FBXO34: variants seen among roughly 807,000 people sequenced by gnomAD.
FBXO34 encodes F-box only protein 34.
Under a neutral mutation model 24.5 loss-of-function variants are expected in FBXO34, and 12 were observed. That is an observed-to-expected ratio of 0.49 (90% CI 0.31 to 0.79). The LOEUF is 0.79. Among genes scored for constraint, FBXO34 ranks in the 30% least tolerant of loss-of-function variants. The pLI is 0.04. For synonymous variants in FBXO34, 320 were observed against 311.9 expected (o/e 1.03, Z -0.27); for missense variants, 823 against 857.7 (o/e 0.96, Z 0.51).
chr14:55,414,007 G>A, the FBXO34 span: 2 of 529,230 alleles, frequency 3.8e-6, no homozygotes, highest in Non-Finnish European at 3.7e-6. Context: ...TTTTCTAAAA[G>A]GCCTAGAGAA....
At chr14:55,338,041 T>C (rs1279154670) in intron 1 of FBXO34, among the ~76,000 whole-genome samples, 1 of 137,596 alleles carries the variant, frequency 7.3e-6, no homozygotes, top group Non-Finnish European at 1.5e-5. Context: ...GATAAGAGTA[T>C]GTACTTCTTT....
At position 55,352,168 on chromosome 14, in the gene FBXO34, A is replaced by C. The variant is rs1487786030; in HGVS notation, c.1778A>C (p.Lys593Thr). The C allele has an allele frequency of 2.5e-6, 4 of 1,614,210 alleles. No individual in the cohort carries two copies. In the South Asian group the frequency reaches 4.4e-5, roughly 18 times the overall value. ...AAAATCTTCAGGTTACTTCCCACCAAGAGTTTAGTGGCCCTTAAATGTACC... is the reference window on the plus strand; with the variant it reads ...AAAATCTTCAGGTTACTTCCCACCACGAGTTTAGTGGCCCTTAAATGTACC... Reference protein sequence around the residue: ...MVKIFRLLPTKSLVALKCTCC... With the variant: ...MVKIFRLLPTTSLVALKCTCC... Residue 593 changes from lysine to threonine, a missense_variant, in exon 2 of 2, where the codon AAG (lysine) becomes ACG (threonine). Physicochemically the swap from Lys to Thr is moderately conservative, Grantham distance 78 (BLOSUM62 -1). Transcript: ENST00000313833.
At chr14:55,435,118 G>A in the FBXO34 span, among the ~76,000 whole-genome samples, 3 of 152,136 alleles carry the variant, frequency 2.0e-5, no homozygotes, top group Non-Finnish European at 2.9e-5. Flanking sequence ...GTAAATAGGA[G>A]CTTGAACTTT....
intron 1 of FBXO34, among the ~76,000 whole-genome samples, chr14:55,322,119 G>A (rs1022984410): frequency 1.3e-5 from 2 of 151,754 alleles, no homozygotes; most frequent in Non-Finnish European, 2.9e-5. Flanking sequence ...TCAGGAGATC[G>A]AGACCACGGT....
At position 55,331,625 on chromosome 14, in the gene FBXO34, AT is replaced by A. The variant is rs1212413690; in HGVS notation, c.-10-18755del. 2.2e-5 allele frequency among the ~76,000 whole-genome samples: 3 copies of A among 138,850 alleles called. 1 individual carries two copies. The highest frequency in any genetic ancestry group is 1.5e-4 in the Admixed American group (2 of 13,542). 91.1% of individuals were successfully genotyped at this position (138,850 alleles called of 152,430 possible). On this transcript the variant is annotated intron_variant, in intron 1 of 1. Coordinates refer to ENST00000313833, the MANE Select transcript of FBXO34 (RefSeq NM_017943.4). Reference sequence around the variant, plus strand: ...ATAAAAAAATATAAAATATATAAAAATATATATAAAATATATAAAAATATAT... The same window carrying A: ...ATAAAAAAATATAAAATATATAAAAAATATATAAAATATATAAAAATATAT...
chr14:55,429,884 AT>A, the FBXO34 span, among the ~76,000 whole-genome samples: 12,488 of 152,054 alleles, frequency 0.082, 533 homozygotes, highest in African/African-American at 0.098. Flanking sequence ...CAGACAAGGT[AT>A]CAGTTCTTGA....
downstream of FBXO34, chr14:55,369,909 C>T: frequency 6.2e-7 from 1 of 1,610,888 alleles, no homozygotes; most frequent in South Asian, 1.1e-5. Flanking sequence ...TCTGCTCGTA[C>T]TTCAAAGGGC....
intron 1 of FBXO34, among the ~76,000 whole-genome samples, chr14:55,309,533 T>G (rs1407778335): frequency 6.6e-6 from 1 of 152,188 alleles, no homozygotes; most frequent in African/African-American, 2.4e-5. Flanking sequence ...ACTTATCTGA[T>G]TTTTCAAGCA....
At chr14:55,413,218 G>C in the FBXO34 span, among the ~76,000 whole-genome samples, 1 of 152,050 alleles carries the variant, frequency 6.6e-6, no homozygotes, top group African/African-American at 2.4e-5. Context: ...AAGGTCTCGG[G>C]CTTATGTTTC....
chr14:55,276,658 A>G (rs1881354871), intron 1 of FBXO34, among the ~76,000 whole-genome samples: 1 of 152,218 alleles, frequency 6.6e-6, no homozygotes, highest in Admixed American at 6.5e-5. Context: ...TAGTTAAAAC[A>G]ATTTTACAGA....
intron 1 of FBXO34, among the ~76,000 whole-genome samples, chr14:55,294,057 C>A (rs1566543475): frequency 6.6e-6 from 1 of 152,046 alleles, no homozygotes; most frequent in Admixed American, 6.6e-5. Context: ...AAAATGTTTT[C>A]TCATCTATCA....
chr14:55,355,703 G>A (rs989364497), downstream of FBXO34, among the ~76,000 whole-genome samples: 8 of 152,166 alleles, frequency 5.3e-5, no homozygotes, highest in Non-Finnish European at 1.2e-4. Context: ...TGCAGATACC[G>A]AGGGACCACT....
At chr14:55,337,035 A>G (rs964611414) in intron 1 of FBXO34, among the ~76,000 whole-genome samples, 33 of 149,472 alleles carry the variant, frequency 2.2e-4, no homozygotes, top group African/African-American at 7.4e-4. Context: ...GAGTGCAATG[A>G]CACTATCTTG....
intron 1 of FBXO34, among the ~76,000 whole-genome samples, chr14:55,328,043 G>A (rs71412679): frequency 2.1e-5 from 3 of 144,138 alleles, no homozygotes; most frequent in Non-Finnish European, 3.0e-5. Context: ...TCCTGCCTCC[G>A]CCTCCCAAGT....
the FBXO34 span, among the ~76,000 whole-genome samples, chr14:55,441,463 T>C: frequency 6.6e-6 from 1 of 151,988 alleles, no homozygotes; most frequent in Non-Finnish European, 1.5e-5. Context: ...GCCAGGGATG[T>C]TTTTTTTCTC....
At chr14:55,385,526 C>G in the FBXO34 span, among the ~76,000 whole-genome samples, 1 of 152,210 alleles carries the variant, frequency 6.6e-6, no homozygotes, top group Non-Finnish European at 1.5e-5. Context: ...CTCCTGACCT[C>G]AGGTGATTCG....
At chr14:55,298,582 G>T (rs749324043) in intron 1 of FBXO34, 15 of 782,706 alleles carry the variant, frequency 1.9e-5, no homozygotes, top group Non-Finnish European at 3.1e-5. Context: ...CAGGGTGGAG[G>T]CGGAGGAGGG....
downstream of FBXO34, among the ~76,000 whole-genome samples, chr14:55,372,496 C>T (rs554287181): frequency 3.7e-4 from 56 of 152,120 alleles, no homozygotes; most frequent in Non-Finnish European, 5.3e-4. Context: ...CCCAGGATCC[C>T]CCAAAGGTCC....
chr14:55,369,770 A>C (rs1884770618), downstream of FBXO34: 3 of 1,614,146 alleles, frequency 1.9e-6, no homozygotes, highest in Non-Finnish European at 2.5e-6. Context: ...GATATCACAA[A>C]ACCGGGGACT....
Sources: allele counts gnomAD v4.1 joint callset (sites outside exome capture counted in the v4.1 genomes callset), GRCh38; gene constraint gnomAD v4.1.1; transcripts MANE v1.5; gene names NCBI Gene and HGNC (gene_info 2026-07-23, HGNC 2026-07-21).